The following SPAG16 variants were observed in gnomAD, a reference collection of about 807,000 sequenced individuals.
The protein encoded by SPAG16 is sperm-associated antigen 16 protein.
Under a neutral mutation model 80.4 loss-of-function variants are expected in SPAG16, and 86 were observed. The ratio of observed to expected loss-of-function variants is 1.07; its 90% CI spans 0.90 to 1.28. SPAG16 has a LOEUF of 1.28. Among genes scored for constraint, SPAG16 ranks in the 50% most tolerant of loss-of-function variants. The pLI, the probability that SPAG16 is intolerant of heterozygous loss-of-function variation, is 0.00. For synonymous variants in SPAG16, 294 were observed against 265.9 expected (o/e 1.11, Z -1.03); for missense variants, 870 against 765.3 (o/e 1.14, Z -1.61).
chr2:213,466,065 G>C lies in SPAG16; in HGVS notation c.943-23898G>C, dbSNP rs2125633275. On this transcript the variant is annotated intron_variant, in intron 9 of 15. Transcript: ENST00000331683. ...AAAGACTGACTGGCTTAGTCTCACA[G>C]CCTAAATCTTTCTCCTGTGCTGGAT... Among the ~76,000 whole-genome samples the C allele has an allele frequency of 1.3e-5, 2 of 152,306 alleles. 1 individual carries two copies. Among genetic ancestry groups the C allele is most frequent in the South Asian group, 4.1e-4 (2 of 4,824 alleles).
intron 13 of SPAG16, among the ~76,000 whole-genome samples, chr2:214,055,866 A>G (rs2049911539): frequency 6.6e-6 from 1 of 152,226 alleles, no homozygotes; most frequent in Non-Finnish European, 1.5e-5. Flanking sequence ...TTGAAGGGAA[A>G]TAACCATGCA....
rs1447661589 is a variant in SPAG16, at chr2:213,635,156, TCCTGAGTAGCTGGGAATACAGGTG to T, written c.1070+145069_1070+145092del. Among the ~76,000 whole-genome samples, 5 of 151,906 alleles carry T rather than the reference TCCTGAGTAGCTGGGAATACAGGTG, an allele frequency of 3.3e-5. No individual in the cohort carries two copies. The East Asian group carries it at 9.7e-4, about 30-fold the overall frequency. On this transcript the variant is annotated intron_variant, in intron 10 of 15. Transcript: ENST00000331683. ...TTCATGCCATTCTCCTGCCTCAGCCTCCTGAGTAGCTGGGAATACAGGTGCCCGCCACCATGCCTGGCTAATTTT... is the reference window on the plus strand; with the variant it reads ...TTCATGCCATTCTCCTGCCTCAGCCTCCCGCCACCATGCCTGGCTAATTTT...
chr2:213,597,407 G>A (rs1053028441), intron 10 of SPAG16, among the ~76,000 whole-genome samples: 1 of 151,468 alleles, frequency 6.6e-6, no homozygotes, highest in South Asian at 2.1e-4. Context: ...TTAAGTCCTC[G>A]TTCTTGCCAA....
At chr2:214,039,981 T>C (rs1287230732) in intron 13 of SPAG16, among the ~76,000 whole-genome samples, 2 of 152,154 alleles carry the variant, frequency 1.3e-5, no homozygotes, top group African/African-American at 4.8e-5. Context: ...AAATTGTCCT[T>C]CTGCACACTC....
At chr2:213,732,272 A>C (rs776918937) in intron 10 of SPAG16, among the ~76,000 whole-genome samples, 1 of 152,062 alleles carries the variant, frequency 6.6e-6, no homozygotes, top group Non-Finnish European at 1.5e-5. Flanking sequence ...TCATTGGTCA[A>C]TGTGTCTGTT....
chr2:213,478,600 T>C, intron 9 of SPAG16, among the ~76,000 whole-genome samples: 1 of 152,196 alleles, frequency 6.6e-6, no homozygotes, highest in East Asian at 1.9e-4. Flanking sequence ...CAACAGTTTC[T>C]CTTTAGGAAC....
At chr2:214,214,750 G>C (rs1300005569) in intron 15 of SPAG16, among the ~76,000 whole-genome samples, 1 of 151,554 alleles carries the variant, frequency 6.6e-6, no homozygotes, top group Non-Finnish European at 1.5e-5. Context: ...TATTTATTTA[G>C]AACTGGGAAA....
At chr2:213,574,550 C>G (rs2060047447) in intron 10 of SPAG16, among the ~76,000 whole-genome samples, 1 of 151,786 alleles carries the variant, frequency 6.6e-6, no homozygotes, top group Non-Finnish European at 1.5e-5. Flanking sequence ...AACATGTTCT[C>G]ATGCTGCTAG....
chr2:213,663,947 T>A (rs2125193147), intron 10 of SPAG16, among the ~76,000 whole-genome samples: 1 of 152,200 alleles, frequency 6.6e-6, no homozygotes, highest in Non-Finnish European at 1.5e-5. Context: ...TAAACTTAGT[T>A]TAAAACAGCA....
intron 15 of SPAG16, among the ~76,000 whole-genome samples, chr2:214,285,799 T>C (rs1189836671): frequency 6.6e-6 from 1 of 152,012 alleles, no homozygotes; most frequent in Non-Finnish European, 1.5e-5. Flanking sequence ...CAAGACTCCA[T>C]CTCAAATAAT....
chr2:214,277,129 C>T (rs576773286), intron 15 of SPAG16, among the ~76,000 whole-genome samples: 13 of 152,220 alleles, frequency 8.5e-5, no homozygotes, highest in African/African-American at 2.9e-4. Flanking sequence ...CCATGGTTTT[C>T]AGCTCCATCA....
intron 10 of SPAG16, among the ~76,000 whole-genome samples, chr2:213,797,043 A>G (rs1267135206): frequency 1.1e-5 from 1 of 92,434 alleles, no homozygotes; most frequent in Non-Finnish European, 2.9e-5. Flanking sequence ...TAACAAAAAA[A>G]TTAAAATTAA....
chr2:213,684,109 CA>C (rs1348085160), intron 10 of SPAG16, among the ~76,000 whole-genome samples: 2 of 152,184 alleles, frequency 1.3e-5, no homozygotes, highest in African/African-American at 4.8e-5. Context: ...TCAAACTTAG[CA>C]GTGTACAAGG....
Position 214,076,531 on chromosome 2 carries a change from GTGTGTGTGTGTC to G in SPAG16, c.1528-31653_1528-31642del, listed in dbSNP as rs886775970. 6.3e-4 allele frequency among the ~76,000 whole-genome samples: 58 copies of G among 92,048 alleles called. 1 individual carries two copies. The highest frequency in any genetic ancestry group is 2.5e-3 in the African/African-American group (54 of 21,668). 60.4% of individuals were successfully genotyped at this position (92,048 alleles called of 152,430 possible). A position where few individuals can be genotyped will look rare whatever the true frequency, so the allele number is the denominator to read the frequency against. On this transcript the variant is annotated intron_variant, in intron 13 of 15. Coordinates refer to ENST00000331683, the MANE Select transcript of SPAG16 (RefSeq NM_024532.5). Reference sequence around the variant, plus strand: ...TTTTATTCTGTGTGTGTGTGTGTGTGTGTGTGTGTGTCTGTGTGTGTGTGTGTGTGTGTGTTT... The same window carrying G: ...TTTTATTCTGTGTGTGTGTGTGTGTGTGTGTGTGTGTGTGTGTGTGTGTTT...
intron 12 of SPAG16, 46 bp downstream of exon 12, chr2:213,930,191 T>A: frequency 6.9e-7 from 1 of 1,442,018 alleles, no homozygotes; most frequent in Non-Finnish European, 9.3e-7. Flanking sequence ...CTGATACATA[T>A]ACGTGGGTAA....
intron 10 of SPAG16, among the ~76,000 whole-genome samples, chr2:213,677,013 T>C (rs1290455117): frequency 6.6e-6 from 1 of 151,958 alleles, no homozygotes; most frequent in Non-Finnish European, 1.5e-5. Context: ...CATCTGGTCC[T>C]GGACTCTTTT....
At chr2:214,063,022 A>G (rs1464626969) in intron 13 of SPAG16, among the ~76,000 whole-genome samples, 1 of 152,248 alleles carries the variant, frequency 6.6e-6, no homozygotes, top group Admixed American at 6.5e-5. Flanking sequence ...TTTCAAAAAC[A>G]TCATTTCAAC....
intron 15 of SPAG16, among the ~76,000 whole-genome samples, chr2:214,245,151 G>A (rs1480028439): frequency 6.6e-6 from 1 of 152,058 alleles, no homozygotes; most frequent in African/African-American, 2.4e-5. Flanking sequence ...TTCCATAATT[G>A]CCAAATTACT....
intron 10 of SPAG16, among the ~76,000 whole-genome samples, chr2:213,825,701 C>CTTTTTTTTTTTTTTTTTTTTTTTTTTTT (rs55777958): frequency 8.2e-5 from 9 of 109,792 alleles, no homozygotes; most frequent in African/African-American, 1.9e-4. Flanking sequence ...TTCTTTCTTT[C>CTTTTTTTTTTTTTTTTTTTTTTTTTTTT]TTTTTTTTTT....
Sources: gnomAD v4.1 joint callset for allele counts (sites outside exome capture counted in the v4.1 genomes callset) on GRCh38, gnomAD v4.1.1 for gene constraint, MANE v1.5 for transcripts, NCBI Gene and HGNC (gene_info 2026-07-23, HGNC 2026-07-21) for gene names.